SLC27A1: variants seen among roughly 807,000 people sequenced by gnomAD.
SLC27A1 encodes the protein solute carrier family 27 member 1, also known as long-chain fatty acid transport protein 1.
SLC27A1 carries 61 observed loss-of-function variants against 62.2 expected under a neutral mutation model. That is an observed-to-expected ratio of 0.98 (90% CI 0.80 to 1.21). The LOEUF (loss-of-function observed/expected upper bound fraction) is 1.21, where lower values mean the gene tolerates loss of function less well. SLC27A1 is among the 50% of genes most tolerant of loss of function. SLC27A1 has a pLI of 0.00. For synonymous variants in SLC27A1, 435 were observed against 408.6 expected (o/e 1.06, Z -0.78); for missense variants, 903 against 932.1 (o/e 0.97, Z 0.41).
chr19:17,470,169 T>C (rs2075059484), upstream of SLC27A1, among the ~76,000 whole-genome samples: 1 of 151,604 alleles, frequency 6.6e-6, no homozygotes, highest in African/African-American at 2.4e-5. Context: ...ACATGCTGGC[T>C]CTGGGGGCGG....
chr19:17,500,077 T>A, intron 7 of SLC27A1: 1 of 762,150 alleles, frequency 1.3e-6, no homozygotes, highest in South Asian at 1.9e-5. Context: ...CTTGACTGAA[T>A]GCAGGCTGGG....
intron 11 of SLC27A1, among the ~76,000 whole-genome samples, chr19:17,502,679 GTTTT>G (rs972810438): frequency 6.7e-6 from 1 of 149,970 alleles, no homozygotes; most frequent in South Asian, 2.1e-4. Flanking sequence ...TTTTTCTTTT[GTTTT>G]TTTTGTTTGT....
intron 1 of SLC27A1, among the ~76,000 whole-genome samples, chr19:17,471,542 G>T (rs898218086): frequency 3.3e-5 from 5 of 152,034 alleles, no homozygotes; most frequent in Non-Finnish European, 5.9e-5. Flanking sequence ...GATGAAACAG[G>T]CATTGCTGGG....
Position 17,504,760 on chromosome 19 carries a change from C to G in SLC27A1, c.*148C>G. The G allele has an allele frequency of 1.9e-6, 2 of 1,057,280 alleles. No homozygotes were observed. The highest frequency in any genetic ancestry group is 2.8e-6 in the Non-Finnish European group (2 of 707,592). 65.5% of individuals were successfully genotyped at this position (1,057,280 alleles called of 1,614,324 possible). On this transcript the variant is annotated 3_prime_UTR_variant, in exon 12 of 12. Coordinates refer to ENST00000252595, the MANE Select transcript of SLC27A1 (RefSeq NM_198580.3). Reference sequence around the variant, plus strand: ...CCCATCCTGGACTGAGAAACTGGAACCTCAGAGGAACCCGTGCCTCTCTGC... The same window carrying G: ...CCCATCCTGGACTGAGAAACTGGAAGCTCAGAGGAACCCGTGCCTCTCTGC...
rs1019551570 is a variant in SLC27A1, at chr19:17,499,582, G to T, written c.1207-696G>T. ...GCACTTTGGGAGGCTGAGGTGGGTG[G>T]ATCACTTGAGGTCACGAGTTCGAGA... On this transcript the variant is annotated intron_variant, in intron 7 of 11. Transcript: ENST00000252595. 2.1e-4 allele frequency among the ~76,000 whole-genome samples: 31 copies of T among 150,712 alleles called. No homozygotes were observed. The Admixed American group carries it at 2.1e-3, about 10-fold the overall frequency.
At position 17,486,789 on chromosome 19, in the gene SLC27A1, G is replaced by T; in HGVS notation, c.394G>T (p.Ala132Ser). 6.2e-7 allele frequency: 1 copy of T among 1,602,332 alleles called. No homozygotes were observed. ...QLGFAPGDVV[A>S]IFLEGRPEFV... The stretch of plus-strand genomic sequence containing the variant: ...GGGCTTCGCGCCGGGCGACGTGGTG[G>T]CCATCTTCCTGGAGGGCCGGCCGGA... The change falls in exon 2 of 12, where the codon GCC becomes TCC. Residue 132 changes from alanine (A) to serine (S), a missense_variant. Physicochemically the swap from Ala to Ser is moderately conservative, Grantham distance 99 (BLOSUM62 1). Coordinates refer to ENST00000252595, the MANE Select transcript of SLC27A1 (RefSeq NM_198580.3). This position sits in a 1 kb window ranked among gnomAD's most constrained non-coding sequence, Gnocchi z 6.6.
chr19:17,504,911 A>T lies in SLC27A1; in HGVS notation c.*299A>T. 1.9e-6 allele frequency: 1 copy of T among 524,874 alleles called. No homozygotes were observed. The highest frequency in any genetic ancestry group is 3.7e-6 in the Non-Finnish European group (1 of 273,894). The allele number at this position is 524,874 out of a possible 1,614,324, so 32.5% of individuals were successfully genotyped here. Reference sequence around the variant, plus strand: ...TTCTTTCTTTCTTTCTTTTTTTTTTAAGATAGAGTCTCACTCTGCTGCCCG... The same window carrying T: ...TTCTTTCTTTCTTTCTTTTTTTTTTTAGATAGAGTCTCACTCTGCTGCCCG... On this transcript the variant is annotated 3_prime_UTR_variant, in exon 12 of 12. Coordinates refer to ENST00000252595, the MANE Select transcript of SLC27A1 (RefSeq NM_198580.3).
At chr19:17,479,915 A>G (rs1235923486) in intron 1 of SLC27A1, among the ~76,000 whole-genome samples, 2 of 152,102 alleles carry the variant, frequency 1.3e-5, no homozygotes, top group South Asian at 2.1e-4. Flanking sequence ...AAGTGCTGGG[A>G]TTACAGGCGT....
At chr19:17,475,071 C>T (rs964318333) in intron 1 of SLC27A1, among the ~76,000 whole-genome samples, 1 of 151,912 alleles carries the variant, frequency 6.6e-6, no homozygotes, top group African/African-American at 2.4e-5. Flanking sequence ...CCTGCCACCA[C>T]ACCCGGATAA....
chr19:17,495,878 CAG>C (rs2075344850), intron 6 of SLC27A1: 1 of 152,598 alleles, frequency 6.6e-6, no homozygotes, highest in Non-Finnish European at 1.5e-5. Context: ...AGTACCTTCT[CAG>C]GGGCACAGCT....
chr19:17,493,476 T>A (rs2144597248), intron 6 of SLC27A1, among the ~76,000 whole-genome samples: 1 of 150,334 alleles, frequency 6.7e-6, no homozygotes, highest in African/African-American at 2.4e-5. Flanking sequence ...AAGGTGATGT[T>A]TAATAAGGAC....
Position 17,487,513 on chromosome 19 carries a change from A to C in SLC27A1, c.778A>C (p.Ile260Leu). The C allele has an allele frequency of 6.2e-7, 1 of 1,610,130 alleles. No individual in the cohort carries two copies. The highest frequency in any genetic ancestry group is 1.3e-5 in the African/African-American group (1 of 74,344). The change falls in exon 4 of 12, where the codon ATT becomes CTT. Residue 260 changes from isoleucine (I) to leucine (L), a missense_variant. Transcript: ENST00000252595. ...GACCACCGGGCTGCCCAAGGCTGCCATTGTCGTGCACAGCAGGTGAGGGGC... is the reference window on the plus strand; with the variant it reads ...GACCACCGGGCTGCCCAAGGCTGCCCTTGTCGTGCACAGCAGGTGAGGGGC... ...SGTTGLPKAA[I>L]VVHSRYYRMA...
At chr19:17,489,173 C>A in intron 6 of SLC27A1, 56 bp downstream of exon 6, 3 of 1,469,464 alleles carry the variant, frequency 2.0e-6, no homozygotes, top group South Asian at 2.4e-5. Flanking sequence ...GGCCTCACCC[C>A]CTCCCAATCA....
At position 17,497,392 on chromosome 19, in the gene SLC27A1, C is replaced by T. The variant is rs769443381; in HGVS notation, c.1134C>T (p.Phe378=). 3 of 1,604,938 alleles carry T rather than the reference C, an allele frequency of 1.9e-6. No individual in the cohort carries two copies. Among genetic ancestry groups the T allele is most frequent in the East Asian group, 2.3e-5 (1 of 44,240 alleles). ...TCTGGGAGGAGTTCACGGAGCGCTT[C>T]GGCGTACGCCAAATCGGGGAGTTCT... ...PAIWEEFTER[F]GVRQIGEFYG... is the part of the protein sequence containing the mutation. Residue 378 remains phenylalanine (F), a synonymous_variant, in exon 7 of 12, where the codon TTC becomes TTT. Transcript: ENST00000252595.
chr19:17,470,961 T>G (rs866567128), intron 1 of SLC27A1, among the ~76,000 whole-genome samples: 28 of 140,438 alleles, frequency 2.0e-4, no homozygotes, highest in Non-Finnish European at 3.5e-4. Context: ...CTAAGGTGCT[T>G]CGGGCGTTGC....
rs781756808 is a variant in SLC27A1 at position 17,504,528 on chromosome 19, C to T, written c.1857C>T (p.Phe619=). The change falls in exon 12 of 12, where the codon TTC becomes TTT. Residue 619 remains phenylalanine (F), a synonymous_variant. Transcript: ENST00000252595. Reference sequence around the variant, plus strand: ...CACGCCAGACCTCAGACCGGCTCTTCTTCCTGGACCTGAAGCAGGGCCACT... The same window carrying T: ...CACGCCAGACCTCAGACCGGCTCTTTTTCCTGGACCTGAAGCAGGGCCACT... ...FDPRQTSDRL[F]FLDLKQGHYL... 5 of 1,614,216 alleles carry T rather than the reference C, an allele frequency of 3.1e-6. No homozygotes were observed. The highest frequency in any genetic ancestry group is 3.3e-5 in the Admixed American group (2 of 60,010).
chr19:17,472,447 C>A (rs181908341), intron 1 of SLC27A1, among the ~76,000 whole-genome samples: 1 of 151,868 alleles, frequency 6.6e-6, no homozygotes, highest in Admixed American at 6.6e-5. Flanking sequence ...CTGAGCATTG[C>A]GCACGAGGTC....
intron 6 of SLC27A1, chr19:17,489,895 G>C (rs1368526951): frequency 6.5e-6 from 1 of 152,710 alleles, no homozygotes; most frequent in East Asian, 1.9e-4. Context: ...TAGCAAGGCT[G>C]ACTGGGAAGG....
rs1194451830 is a variant in SLC27A1 at position 17,493,964 on chromosome 19, A to G, written c.997-3291A>G. Among the ~76,000 whole-genome samples, 3 of 151,776 alleles carry G rather than the reference A, an allele frequency of 2.0e-5. No homozygotes were observed. The East Asian group carries it at 5.8e-4, about 29-fold the overall frequency. ...TCTTTCTTACTGTACACGTGCTAAC[A>G]AAAAAGGGATGGTGGAGCCCCCAGG... On this transcript the variant is annotated intron_variant, in intron 6 of 11. Transcript: ENST00000252595.
Sources: allele counts gnomAD v4.1 joint callset (sites outside exome capture counted in the v4.1 genomes callset), GRCh38; gene constraint gnomAD v4.1.1; non-coding constraint Gnocchi (gnomAD v3.1); transcripts MANE v1.5; gene names NCBI Gene and HGNC (gene_info 2026-07-23, HGNC 2026-07-21).